The following CNTN1 variants were observed in gnomAD, a reference collection of about 807,000 sequenced individuals.
The protein encoded by CNTN1 is contactin 1.
Under a neutral mutation model 126.4 loss-of-function variants are expected in CNTN1, and 38 were observed. The ratio of observed to expected loss-of-function variants is 0.30; its 90% CI spans 0.23 to 0.39. CNTN1 has a LOEUF of 0.39. CNTN1 is among the 10% of genes least tolerant of loss of function. CNTN1 has a pLI of 1.00. For missense variants in CNTN1, 1,009 were observed against 1,248.4 expected (o/e 0.81, Z 2.89); for synonymous variants, 413 against 422.6 (o/e 0.98, Z 0.28).
chr12:40,764,169 C>G (rs76244033), intron 1 of CNTN1, among the ~76,000 whole-genome samples: 2,705 of 152,096 alleles, frequency 0.018, 92 homozygotes, highest in African/African-American at 0.062. Context: ...TTTATTGAAC[C>G]ATAATATCTA....
At chr12:40,978,925 C>G (rs989387296) in intron 15 of CNTN1, 36 of 152,158 alleles carry the variant, frequency 2.4e-4, no homozygotes, top group Admixed American at 1.9e-3. Context: ...TTGAGAAATT[C>G]TTTTATTATT....
chr12:40,901,736 A>G (rs1944615028), intron 1 of CNTN1, among the ~76,000 whole-genome samples: 1 of 152,222 alleles, frequency 6.6e-6, no homozygotes, highest in Non-Finnish European at 1.5e-5. Context: ...ATGGAAGGAT[A>G]CTGTTTGTAA....
chr12:40,771,118 G>T (rs1329607231), intron 1 of CNTN1, among the ~76,000 whole-genome samples: 1 of 151,962 alleles, frequency 6.6e-6, no homozygotes, highest in Non-Finnish European at 1.5e-5. Context: ...AATTCAATAG[G>T]ATCTCATGAA....
chr12:40,934,434 T>G (rs1946010896), intron 9 of CNTN1, among the ~76,000 whole-genome samples: 1 of 151,930 alleles, frequency 6.6e-6, no homozygotes, highest in Non-Finnish European at 1.5e-5. Context: ...GAAATCTTTT[T>G]TTTTTTTTTT....
At chr12:40,752,917 G>A (rs1938458483) in intron 1 of CNTN1, among the ~76,000 whole-genome samples, 1 of 152,074 alleles carries the variant, frequency 6.6e-6, no homozygotes, top group African/African-American at 2.4e-5. Flanking sequence ...TAAAACTGAA[G>A]TTTAAAAATA....
chr12:41,059,495 G>T (rs1234976186), intron 23 of CNTN1, among the ~76,000 whole-genome samples: 1 of 152,140 alleles, frequency 6.6e-6, no homozygotes, highest in East Asian at 1.9e-4. Context: ...GTTTAAAGAT[G>T]TTTATGAAGC....
At chr12:40,715,360 C>T (rs758688523) in intron 1 of CNTN1, among the ~76,000 whole-genome samples, 1 of 151,928 alleles carries the variant, frequency 6.6e-6, no homozygotes, top group Non-Finnish European at 1.5e-5. Flanking sequence ...GATAATGATG[C>T]CAAGAGTATT....
chr12:40,908,571 G>T (rs1018648252), intron 2 of CNTN1, 78 bp downstream of exon 2: 49 of 1,095,840 alleles, frequency 4.5e-5, no homozygotes, highest in Non-Finnish European at 6.0e-5. Context: ...TGTATTGTAT[G>T]AAGTAAAAAT....
chr12:40,895,722 T>C (rs1479066250), intron 1 of CNTN1, among the ~76,000 whole-genome samples: 1 of 152,020 alleles, frequency 6.6e-6, no homozygotes, highest in Non-Finnish European at 1.5e-5. Context: ...AGCACCAATG[T>C]TAACCATTTA....
At chr12:40,932,099 A>G (rs960986295) in intron 7 of CNTN1, among the ~76,000 whole-genome samples, 15 of 151,854 alleles carry the variant, frequency 9.9e-5, no homozygotes, top group African/African-American at 3.6e-4. Context: ...AACCAAAGAT[A>G]AGATCCATAT....
chr12:40,959,880 C>A (rs537896602), intron 15 of CNTN1, among the ~76,000 whole-genome samples: 1 of 152,012 alleles, frequency 6.6e-6, no homozygotes, highest in Non-Finnish European at 1.5e-5. Flanking sequence ...TAGTTTTGCA[C>A]CCAAGAAGTA....
At chr12:40,727,616 C>A (rs1328513748) in intron 1 of CNTN1, among the ~76,000 whole-genome samples, 1 of 152,040 alleles carries the variant, frequency 6.6e-6, no homozygotes, top group East Asian at 1.9e-4. Context: ...TTAGAAAAAA[C>A]ACTTTATTTT....
intron 1 of CNTN1, among the ~76,000 whole-genome samples, chr12:40,781,967 A>G (rs181295757): frequency 4.6e-5 from 7 of 152,082 alleles, no homozygotes; most frequent in Non-Finnish European, 7.4e-5. Context: ...TCTTCCTACT[A>G]TTAATTTTTT....
intron 1 of CNTN1, among the ~76,000 whole-genome samples, chr12:40,882,664 A>G (rs1244359842): frequency 6.6e-6 from 1 of 150,872 alleles, no homozygotes; most frequent in Admixed American, 6.6e-5. Flanking sequence ...ATGCCTAATC[A>G]TATGATAGAG....
intron 1 of CNTN1, among the ~76,000 whole-genome samples, chr12:40,871,774 T>C (rs1943505258): frequency 6.6e-6 from 1 of 152,158 alleles, no homozygotes; most frequent in African/African-American, 2.4e-5. Context: ...CTAAGATAAT[T>C]TGAATACTCA....
chr12:41,025,189 A>T lies in CNTN1; in HGVS notation c.2563A>T (p.Asn855Tyr). Residue 855 changes from asparagine (N) to tyrosine (Y), a missense_variant, in exon 21 of 24, where the codon AAC (asparagine) becomes TAC (tyrosine). Physicochemically the swap from Asn to Tyr is moderately radical, Grantham distance 143 (BLOSUM62 -2). Coordinates refer to ENST00000551295, the MANE Select transcript of CNTN1 (RefSeq NM_001843.4). ...TGCCCATGACAAAGAAGAAGCTGCAAACAGAGTTCAAGTCACCAGCCAAGA... is the reference window on the plus strand; with the variant it reads ...TGCCCATGACAAAGAAGAAGCTGCATACAGAGTTCAAGTCACCAGCCAAGA... ...WAAHDKEEAA[N>Y]RVQVTSQEYS... The T allele has an allele frequency of 6.2e-7, 1 of 1,613,968 alleles. No homozygotes were observed. Among genetic ancestry groups the T allele is most frequent in the East Asian group, 2.2e-5 (1 of 44,862 alleles).
chr12:40,743,645 T>C (rs1426705229), intron 1 of CNTN1, among the ~76,000 whole-genome samples: 1 of 151,990 alleles, frequency 6.6e-6, no homozygotes, highest in Non-Finnish European at 1.5e-5. Context: ...TTGTAATGGG[T>C]TGTTTTGTTT....
At chr12:40,976,334 A>T (rs915496961) in intron 15 of CNTN1, among the ~76,000 whole-genome samples, 2 of 152,156 alleles carry the variant, frequency 1.3e-5, no homozygotes, top group African/African-American at 4.8e-5. Flanking sequence ...AGTCTTTTTC[A>T]ACTGACCAAT....
intron 23 of CNTN1, among the ~76,000 whole-genome samples, chr12:41,065,217 G>A (rs139318007): frequency 3.5e-4 from 54 of 152,120 alleles, no homozygotes; most frequent in African/African-American, 1.2e-3. Flanking sequence ...CACCAAGCCC[G>A]GCTACTTTTT....
Sources: allele counts gnomAD v4.1 joint callset (sites outside exome capture counted in the v4.1 genomes callset), GRCh38; gene constraint gnomAD v4.1.1; transcripts MANE v1.5; gene names NCBI Gene and HGNC (gene_info 2026-07-23, HGNC 2026-07-21).